The following PRIM2 variants were observed in gnomAD, a reference collection of about 807,000 sequenced individuals.
PRIM2 encodes the protein DNA primase large subunit.
In PRIM2, 39 loss-of-function variants were observed where a neutral mutation model predicts 67.3. The observed-to-expected ratio is 0.58, with a 90% CI of 0.45 to 0.76. The LOEUF (loss-of-function observed/expected upper bound fraction) is 0.76, where lower values mean the gene tolerates loss of function less well. Ranked by LOEUF, PRIM2 falls within the 30% of genes least tolerant of loss-of-function variation. The pLI, the probability that PRIM2 is intolerant of heterozygous loss-of-function variation, is 0.00. For synonymous variants in PRIM2, 143 were observed against 198.7 expected, an observed-to-expected ratio of 0.72 and a Z score of 2.36; for missense variants, 398 against 598.7, an observed-to-expected ratio of 0.66 and a Z score of 3.50.
At chr6:57,279,461 T>C in the PRIM2 span, among the ~76,000 whole-genome samples, 4 of 151,352 alleles carry the variant, frequency 2.6e-5, no homozygotes, top group African/African-American at 7.3e-5. Context: ...GATCCGTCAA[T>C]GCAGTGTCCC....
chr6:57,230,964 C>A, the PRIM2 span, among the ~76,000 whole-genome samples: 4 of 152,138 alleles, frequency 2.6e-5, no homozygotes, highest in South Asian at 2.1e-4. Flanking sequence ...GTTTTTGGAA[C>A]CTGCTACCTC....
chr6:57,468,560 T>C (rs1347432106), intron 7 of PRIM2, among the ~76,000 whole-genome samples: 1 of 152,208 alleles, frequency 6.6e-6, no homozygotes, highest in Non-Finnish European at 1.5e-5. Context: ...TTTGCATCGA[T>C]GTTCATCAGG....
the PRIM2 span, among the ~76,000 whole-genome samples, chr6:57,257,933 C>A: frequency 2.6e-5 from 4 of 152,114 alleles, no homozygotes; most frequent in Non-Finnish European, 4.4e-5. Flanking sequence ...GTTAAGTTGT[C>A]TCAGAGCAAA....
Position 57,608,369 on chromosome 6 carries a change from G to A in PRIM2, c.1230+1912G>A, listed in dbSNP as rs1448986109. On this transcript the variant is annotated intron_variant, in intron 12 of 13. Coordinates refer to ENST00000615550, the MANE Select transcript of PRIM2 (RefSeq NM_000947.5). ...ACTTGGGTGAGGTGTCAGTAAAATGGTGGAAACCAAAAGCAAGATTATACT... is the reference window on the plus strand; with the variant it reads ...ACTTGGGTGAGGTGTCAGTAAAATGATGGAAACCAAAAGCAAGATTATACT... 9.2e-5 allele frequency among the ~76,000 whole-genome samples: 14 copies of A among 152,258 alleles called. No homozygotes were observed. In the East Asian group the frequency reaches 2.7e-3, roughly 29 times the overall value.
chr6:57,570,034 C>G (rs1369012975), intron 10 of PRIM2, among the ~76,000 whole-genome samples: 1 of 152,176 alleles, frequency 6.6e-6, no homozygotes, highest in East Asian at 1.9e-4. Flanking sequence ...GCCACCACGC[C>G]CTGCCACTTT....
At chr6:57,605,443 A>G (rs1486344502) in intron 11 of PRIM2, among the ~76,000 whole-genome samples, 5 of 152,058 alleles carry the variant, frequency 3.3e-5, no homozygotes, top group African/African-American at 1.2e-4. Context: ...TTCCAGATTC[A>G]ATTTCAGACC....
the PRIM2 span, among the ~76,000 whole-genome samples, chr6:57,272,986 T>C: frequency 0.16 from 24,732 of 152,250 alleles, 2,443 homozygotes; most frequent in African/African-American, 0.27. Context: ...GGGTTTCTGC[T>C]GAGAGATCAG....
At chr6:57,334,648 C>T (rs555427284) in intron 5 of PRIM2, among the ~76,000 whole-genome samples, 1 of 151,946 alleles carries the variant, frequency 6.6e-6, no homozygotes, top group African/African-American at 2.4e-5. Context: ...CAGAACAAGA[C>T]CCTGTCTCTC....
chr6:57,231,298 T>C, the PRIM2 span, among the ~76,000 whole-genome samples: 21 of 152,338 alleles, frequency 1.4e-4, no homozygotes, highest in African/African-American at 4.8e-4. Context: ...TTTTTAAAAA[T>C]ACAATGTTAG....
At chr6:57,259,808 C>T in the PRIM2 span, among the ~76,000 whole-genome samples, 1 of 152,150 alleles carries the variant, frequency 6.6e-6, no homozygotes, top group Admixed American at 6.5e-5. Flanking sequence ...TCCCACTGCC[C>T]ACCAGGAATT....
intron 13 of PRIM2, among the ~76,000 whole-genome samples, chr6:57,644,123 C>A (rs1168802117): frequency 6.6e-6 from 1 of 152,152 alleles, no homozygotes; most frequent in East Asian, 1.9e-4. Flanking sequence ...TAGGTCTTGA[C>A]CACTTACCCT....
At chr6:57,538,610 T>C (rs1336797840) in intron 10 of PRIM2, among the ~76,000 whole-genome samples, 5 of 152,202 alleles carry the variant, frequency 3.3e-5, no homozygotes, top group Admixed American at 6.5e-5. Context: ...CTTTATTATG[T>C]TTTATGTTAG....
At chr6:57,519,946 C>T (rs1554348716) in intron 8 of PRIM2, among the ~76,000 whole-genome samples, 4 of 152,182 alleles carry the variant, frequency 2.6e-5, no homozygotes, top group Non-Finnish European at 4.4e-5. Flanking sequence ...CCTGACTTCC[C>T]GCAACAACTT....
the PRIM2 span, among the ~76,000 whole-genome samples, chr6:57,273,491 G>C: frequency 6.6e-6 from 1 of 152,078 alleles, no homozygotes; most frequent in East Asian, 1.9e-4. Flanking sequence ...ATCCTTTAAG[G>C]ACTTCTCTGC....
the PRIM2 span, among the ~76,000 whole-genome samples, chr6:57,244,134 C>G: frequency 2.0e-5 from 3 of 152,140 alleles, no homozygotes; most frequent in Non-Finnish European, 4.4e-5. Context: ...TCAGAGCTCA[C>G]CTACCGCAGC....
Position 57,551,283 on chromosome 6 carries a change from C to T in PRIM2, c.1020+13658C>T, listed in dbSNP as rs1454967673. Among the ~76,000 whole-genome samples the T allele has an allele frequency of 2.9e-3, 445 of 152,154 alleles. 6 individuals carry two copies. The highest frequency in any genetic ancestry group is 0.019 in the East Asian group (99 of 5,186). On this transcript the variant is annotated intron_variant, in intron 10 of 13. Transcript: ENST00000615550. ...GCAGCTCAATCAGAAAAGCAGGAAT[C>T]CTAATCAGGAAAGGGCTAGAGGGAT...
At chr6:57,375,729 C>G (rs1456364317) in intron 5 of PRIM2, among the ~76,000 whole-genome samples, 3 of 146,174 alleles carry the variant, frequency 2.1e-5, no homozygotes, top group Non-Finnish European at 4.5e-5. Context: ...GTAGTCCTAT[C>G]TCAGCTGGGA....
chr6:57,518,702 A>G (rs1474830693), intron 8 of PRIM2, among the ~76,000 whole-genome samples: 1 of 152,182 alleles, frequency 6.6e-6, no homozygotes, highest in Non-Finnish European at 1.5e-5. Flanking sequence ...TGTTATTTCC[A>G]AAGGATAACT....
chr6:57,620,686 G>T (rs1776836865), intron 12 of PRIM2, among the ~76,000 whole-genome samples: 4 of 152,204 alleles, frequency 2.6e-5, no homozygotes. Flanking sequence ...ACCAAAGTAT[G>T]CAGGCAACCA....
Sources: gnomAD v4.1 joint callset for allele counts (sites outside exome capture counted in the v4.1 genomes callset) on GRCh38, gnomAD v4.1.1 for gene constraint, MANE v1.5 for transcripts, NCBI Gene and HGNC (gene_info 2026-07-23, HGNC 2026-07-21) for gene names.